FAM114A1: variants seen among roughly 807,000 people sequenced by gnomAD.
FAM114A1 encodes family with sequence similarity 114 member A1, also known as protein NOXP20.
FAM114A1 carries 62 observed loss-of-function variants against 64.3 expected under a neutral mutation model. The ratio of observed to expected loss-of-function variants is 0.96; its 90% CI spans 0.79 to 1.19. FAM114A1 has a LOEUF of 1.19. Ranked by LOEUF, FAM114A1 falls within the 50% of genes most tolerant of loss-of-function variation. FAM114A1 has a pLI of 0.00. For missense variants in FAM114A1, 645 were observed against 676.3 expected (o/e 0.95, Z 0.51); for synonymous variants, 254 against 251.1 (o/e 1.01, Z -0.11).
At chr4:38,929,364 T>TAAAAAAAA (rs35369040) in intron 10 of FAM114A1, 31 bp downstream of exon 10, 1 of 1,480,970 alleles carries the variant, frequency 6.8e-7, no homozygotes. Context: ...AGTTTCTGGT[T>TAAAAAAAA]AAAAAAAAAC....
chr4:38,892,432 T>C (rs1716498548), intron 4 of FAM114A1, among the ~76,000 whole-genome samples: 1 of 152,156 alleles, frequency 6.6e-6, no homozygotes, highest in Non-Finnish European at 1.5e-5. Flanking sequence ...AAAACAAAAT[T>C]TTAATTTAAA....
chr4:38,912,291 T>C (rs774251536), intron 7 of FAM114A1, among the ~76,000 whole-genome samples: 7 of 152,202 alleles, frequency 4.6e-5, no homozygotes, highest in Non-Finnish European at 8.8e-5. Flanking sequence ...TGAAACCCAC[T>C]TCCCTTTCTT....
chr4:38,915,579 G>A (rs2109722971), intron 8 of FAM114A1, among the ~76,000 whole-genome samples: 1 of 152,254 alleles, frequency 6.6e-6, no homozygotes, highest in Non-Finnish European at 1.5e-5. Flanking sequence ...TCTTACTGAA[G>A]GTTAAGGTTC....
chr4:38,938,054 A>C (rs1410840485), intron 13 of FAM114A1, among the ~76,000 whole-genome samples: 1 of 152,134 alleles, frequency 6.6e-6, no homozygotes, highest in African/African-American at 2.4e-5. Flanking sequence ...ACTTTCTCTA[A>C]TGTGCTGCTA....
At chr4:38,890,621 A>G (rs1716267552) in intron 3 of FAM114A1, among the ~76,000 whole-genome samples, 1 of 152,076 alleles carries the variant, frequency 6.6e-6, no homozygotes, top group Admixed American at 6.6e-5. Flanking sequence ...TAGAATATTT[A>G]TTCTTGCCTT....
At chr4:38,886,296 C>T (rs186805103) in intron 3 of FAM114A1, among the ~76,000 whole-genome samples, 7 of 151,788 alleles carry the variant, frequency 4.6e-5, no homozygotes, top group East Asian at 2.0e-4. Context: ...CTCAGCCTCC[C>T]GAGTAGCCGG....
At chr4:38,895,649 A>G (rs1716858196) in intron 4 of FAM114A1, among the ~76,000 whole-genome samples, 2 of 152,224 alleles carry the variant, frequency 1.3e-5, no homozygotes, top group Non-Finnish European at 2.9e-5. Context: ...CAATACGGTC[A>G]TGCTTCACTT....
At chr4:38,921,772 G>C (rs1440893691) in intron 8 of FAM114A1, among the ~76,000 whole-genome samples, 1 of 152,138 alleles carries the variant, frequency 6.6e-6, no homozygotes, top group East Asian at 1.9e-4. Flanking sequence ...AGTTGTTCTT[G>C]GTTGACACAG....
At chr4:38,916,211 A>G (rs1719037876) in intron 8 of FAM114A1, among the ~76,000 whole-genome samples, 1 of 152,202 alleles carries the variant, frequency 6.6e-6, no homozygotes, top group Non-Finnish European at 1.5e-5. Context: ...ATGGAGCTAC[A>G]TGTTACTCTG....
chr4:38,908,806 AT>A, intron 7 of FAM114A1, 80 bp downstream of exon 7: 2 of 1,325,402 alleles, frequency 1.5e-6, no homozygotes, highest in South Asian at 3.5e-5. Context: ...TGAATAGCTC[AT>A]TTAAAGCATG....
At chr4:38,915,463 A>G (rs1362539901) in intron 8 of FAM114A1, among the ~76,000 whole-genome samples, 1 of 152,146 alleles carries the variant, frequency 6.6e-6, no homozygotes, top group African/African-American at 2.4e-5. Flanking sequence ...AAAGCACTTG[A>G]TGTTCCTTTT....
intron 13 of FAM114A1, among the ~76,000 whole-genome samples, chr4:38,936,010 G>A (rs1013867131): frequency 9.9e-5 from 15 of 152,020 alleles, no homozygotes; most frequent in Non-Finnish European, 2.2e-4. Flanking sequence ...CTTACAAGAT[G>A]TTGGGTGAGT....
At chr4:38,885,929 GA>G (rs1157461972) in intron 3 of FAM114A1, among the ~76,000 whole-genome samples, 1 of 151,912 alleles carries the variant, frequency 6.6e-6, no homozygotes, top group East Asian at 1.9e-4. Context: ...TGGTAAAAAG[GA>G]AAAAAAGTGA....
chr4:38,922,307 C>T (rs1719677719), intron 8 of FAM114A1, among the ~76,000 whole-genome samples: 1 of 152,110 alleles, frequency 6.6e-6, no homozygotes, highest in Admixed American at 6.6e-5. Flanking sequence ...TTCATTTAAC[C>T]CTCAAAACAA....
intron 12 of FAM114A1, among the ~76,000 whole-genome samples, chr4:38,934,584 A>G (rs901635659): frequency 5.3e-5 from 8 of 152,198 alleles, no homozygotes; most frequent in Admixed American, 3.3e-4. Flanking sequence ...TGAGTGCTGT[A>G]TGCACTAACT....
Position 38,943,533 on chromosome 4 carries a change from C to T in FAM114A1, c.1668C>T (p.Thr556=), listed in dbSNP as rs771241693. The change falls in exon 15 of 15, where the codon ACC becomes ACT. Residue 556 remains threonine, a synonymous_variant. Transcript: ENST00000358869. ...TTCTGCAGGTCTCACATATCCAGAC[C>T]AGTTGTTTGAAAGCACAGCCGTGAC... is the stretch of plus-strand genomic sequence containing the variant. ...LPVLQVSHIQ[T]SCLKAQP is the part of the protein sequence containing the mutation. 5.0e-6 allele frequency: 8 copies of T among 1,613,850 alleles called. No individual in the cohort carries two copies. In the East Asian group the frequency reaches 1.1e-4, roughly 22 times the overall value.
intron 2 of FAM114A1, among the ~76,000 whole-genome samples, chr4:38,870,925 C>T (rs572982369): frequency 2.0e-5 from 3 of 152,050 alleles, no homozygotes; most frequent in South Asian, 4.2e-4. Flanking sequence ...CATCCACAGT[C>T]GATAAAGTTC....
At chr4:38,922,691 A>G in intron 8 of FAM114A1, 79 bp from the exon 9 acceptor site, 1 of 1,512,420 alleles carries the variant, frequency 6.6e-7, no homozygotes, top group Non-Finnish European at 8.8e-7. Context: ...TTGTCCTGGG[A>G]AAACTGGGGA....
intron 7 of FAM114A1, among the ~76,000 whole-genome samples, chr4:38,910,076 T>C (rs1350540610): frequency 6.7e-6 from 1 of 149,834 alleles, no homozygotes; most frequent in Non-Finnish European, 1.5e-5. Context: ...TTACTAAAAA[T>C]ACAAAAAAAA....
Sources: allele counts gnomAD v4.1 joint callset (sites outside exome capture counted in the v4.1 genomes callset), GRCh38; gene constraint gnomAD v4.1.1; transcripts MANE v1.5; gene names NCBI Gene and HGNC (gene_info 2026-07-23, HGNC 2026-07-21).